The following MAJIN variants were observed in gnomAD, a reference collection of about 807,000 sequenced individuals.
MAJIN encodes membrane-anchored junction protein.
In MAJIN, 27 loss-of-function variants were observed where a neutral mutation model predicts 30.2. The observed-to-expected ratio is 0.89, with a 90% confidence interval of 0.66 to 1.23. The LOEUF (loss-of-function observed/expected upper bound fraction) is 1.23, where lower values mean the gene tolerates loss of function less well. Ranked by LOEUF, MAJIN falls within the 50% of genes most tolerant of loss-of-function variation. MAJIN has a pLI of 0.00. For missense variants in MAJIN, 253 were observed against 260.3 expected (o/e 0.97, Z 0.19); for synonymous variants, 78 against 91.6 (o/e 0.85, Z 0.85).
At chr11:64,947,891 TC>T in intron 6 of MAJIN, 72 bp from the exon 7 acceptor site, 1 of 1,394,126 alleles carries the variant, frequency 7.2e-7, no homozygotes, top group Non-Finnish European at 1.0e-6. Flanking sequence ...ATTAAGTCTC[TC>T]TCTGTCACCC....
chr11:64,952,586 T>G (rs539850030), intron 4 of MAJIN, among the ~76,000 whole-genome samples: 2 of 152,082 alleles, frequency 1.3e-5, no homozygotes, highest in Non-Finnish European at 1.5e-5. Context: ...CAAAGAGAGG[T>G]GAAAAAATGT....
At chr11:64,944,008 A>T (rs1355072741) in intron 8 of MAJIN, among the ~76,000 whole-genome samples, 1 of 152,188 alleles carries the variant, frequency 6.6e-6, no homozygotes, top group Non-Finnish European at 1.5e-5. Context: ...CTGCACACAG[A>T]GGCAGAGGTA....
At chr11:64,960,383 T>G (rs1281834219) in intron 1 of MAJIN, among the ~76,000 whole-genome samples, 1 of 152,172 alleles carries the variant, frequency 6.6e-6, no homozygotes, top group Admixed American at 6.5e-5. Context: ...ATAACAACTC[T>G]CAATAACAAC....
chr11:64,952,946 C>G (rs1218322008), intron 4 of MAJIN, among the ~76,000 whole-genome samples: 1 of 152,110 alleles, frequency 6.6e-6, no homozygotes, highest in Non-Finnish European at 1.5e-5. Flanking sequence ...CTCAGGTGAT[C>G]CACCTGCCTC....
chr11:64,965,811 C>T (rs1945797799), intron 1 of MAJIN, among the ~76,000 whole-genome samples: 1 of 152,002 alleles, frequency 6.6e-6, no homozygotes. Context: ...AAAAAATTAG[C>T]CAGGCGTGGT....
At chr11:64,951,593 C>T (rs1323968171) in intron 4 of MAJIN, among the ~76,000 whole-genome samples, 2 of 152,006 alleles carry the variant, frequency 1.3e-5, no homozygotes, top group Admixed American at 6.6e-5. Context: ...GGCAATACTC[C>T]ATCTCTACAA....
chr11:64,970,063 T>G (rs1010805177), intron 1 of MAJIN, among the ~76,000 whole-genome samples: 2 of 151,594 alleles, frequency 1.3e-5, no homozygotes, highest in African/African-American at 4.8e-5. Flanking sequence ...GGAACTAGAG[T>G]TCAAAAAAGT....
intron 1 of MAJIN, among the ~76,000 whole-genome samples, chr11:64,962,634 T>G (rs1389973861): frequency 2.0e-5 from 3 of 152,190 alleles, no homozygotes; most frequent in Non-Finnish European, 4.4e-5. Context: ...CCTCTATTAG[T>G]CATTAGTCCC....
At chr11:64,949,488 CAAT>C (rs1387651371) in intron 6 of MAJIN, among the ~76,000 whole-genome samples, 4 of 152,144 alleles carry the variant, frequency 2.6e-5, no homozygotes, top group Non-Finnish European at 2.9e-5. Context: ...TTTAACAACT[CAAT>C]GATATAGGTA....
Position 64,971,150 on chromosome 11 carries a change from G to A in MAJIN, c.-65+727C>T, listed in dbSNP as rs889325262. Among the ~76,000 whole-genome samples, 83 of 152,060 alleles carry A rather than the reference G, an allele frequency of 5.5e-4. 1 individual carries two copies. The highest frequency in any genetic ancestry group is 1.6e-3 in the African/African-American group (66 of 41,408). ...TCTACTAAAAACACCAAAATTAGCC[G>A]GGTATGGTGGCGGGCACCTGCAATC... On this transcript the variant is annotated intron_variant, in intron 1 of 10. Coordinates refer to ENST00000301896, the MANE Select transcript of MAJIN (RefSeq NM_001037225.3).
chr11:64,957,104 G>A (rs1945648478), intron 3 of MAJIN, among the ~76,000 whole-genome samples: 1 of 149,408 alleles, frequency 6.7e-6, no homozygotes. Flanking sequence ...TTGAGACAAG[G>A]TCTCACTCTG....
intron 1 of MAJIN, among the ~76,000 whole-genome samples, chr11:64,970,923 G>A (rs779683528): frequency 3.9e-4 from 59 of 152,156 alleles, no homozygotes; most frequent in Non-Finnish European, 7.5e-4. Context: ...TTGTTTTCAT[G>A]GCAACAGCTA....
intron 8 of MAJIN, among the ~76,000 whole-genome samples, chr11:64,944,675 T>A (rs970580623): frequency 1.2e-4 from 18 of 151,972 alleles, no homozygotes; most frequent in African/African-American, 3.9e-4. Flanking sequence ...GAAAAAAAAA[T>A]TTGTTGAATG....
chr11:64,963,321 A>C (rs7925178), intron 1 of MAJIN, among the ~76,000 whole-genome samples: 5,268 of 152,276 alleles, frequency 0.035, 305 homozygotes, highest in African/African-American at 0.12. Context: ...TGTTTGAAGG[A>C]AAATTATTTT....
Position 64,947,457 on chromosome 11 carries a change from A to G in MAJIN, c.390T>C (p.Val130=). The G allele has an allele frequency of 6.2e-7, 1 of 1,613,788 alleles. No homozygotes were observed. Among genetic ancestry groups the G allele is most frequent in the Non-Finnish European group, 8.5e-7 (1 of 1,179,910 alleles). Residue 130 remains valine (V), a synonymous_variant, in exon 8 of 11, where the codon GTT becomes GTC. Coordinates refer to ENST00000301896, the MANE Select transcript of MAJIN (RefSeq NM_001037225.3). ...TCACAGCTCCTACTGCTTTCTTCTC[A>G]ACTGGGACCTTCAGGAGGAAGCAGA... The part of the protein sequence containing the change: ...ISDSPLGLVP[V]EKKAVGAVMR...
At chr11:64,946,089 C>A in intron 8 of MAJIN, 1 of 1,534,356 alleles carries the variant, frequency 6.5e-7, no homozygotes, top group Non-Finnish European at 8.7e-7. Context: ...TTAGTACTTA[C>A]TCTCCTGGTT....
chr11:64,947,505 G>T, intron 7 of MAJIN, 40 bp from the exon 8 acceptor site: 1 of 1,582,754 alleles, frequency 6.3e-7, no homozygotes. Flanking sequence ...CTCCTTTCCA[G>T]AGTTGCTCAC....
At chr11:64,960,406 C>T (rs1270083659) in intron 1 of MAJIN, among the ~76,000 whole-genome samples, 1 of 152,142 alleles carries the variant, frequency 6.6e-6, no homozygotes, top group Non-Finnish European at 1.5e-5. Context: ...TTGCCATGCC[C>T]TATTCTAAGT....
chr11:64,945,374 C>A (rs571473574), intron 8 of MAJIN, among the ~76,000 whole-genome samples: 2 of 151,694 alleles, frequency 1.3e-5, no homozygotes, highest in South Asian at 2.1e-4. Flanking sequence ...AACAAACAAA[C>A]AAAAAAACAA....
Sources: allele counts gnomAD v4.1 joint callset (sites outside exome capture counted in the v4.1 genomes callset), GRCh38; gene constraint gnomAD v4.1.1; transcripts MANE v1.5; gene names NCBI Gene and HGNC (gene_info 2026-07-23, HGNC 2026-07-21).